Variants in GK2 observed in about 807,000 individuals in gnomAD.
GK2 encodes ATP:glycerol 3-phosphotransferase 2.
A neutral mutation model predicts 9.5 loss-of-function variants in GK2; 10 were observed. The ratio of observed to expected loss-of-function variants is 1.05; its 90% confidence interval spans 0.65 to 1.78. The LOEUF is 1.78. Among genes scored for constraint, GK2 ranks in the 40% most tolerant of loss-of-function variants. The pLI is 0.00. For synonymous variants in GK2, 228 were observed against 229.9 expected (o/e 0.99, Z 0.07); for missense variants, 643 against 669.0 (o/e 0.96, Z 0.43).
At position 79,407,497 on chromosome 4, in the gene GK2, C is replaced by A. The variant is rs888732535; in HGVS notation, c.704G>T (p.Ser235Ile). The change falls in exon 1 of 1, where the codon AGT becomes ATT. Residue 235 changes from serine (S) to isoleucine (I), a missense_variant. By Grantham distance (142) the Ser-to-Ile change is moderately radical. Transcript: ENST00000358842. ...AATTAGGCCATAGATCTCAGAAGAA[C>A]TGAAGACATTTGGAAGAAGGTCCAT... Reference protein sequence around the residue: ...IPMDLLPNVFSSSEIYGLIKT... With the variant: ...IPMDLLPNVFISSEIYGLIKT... 1.2e-6 allele frequency: 2 copies of A among 1,614,008 alleles called. No homozygotes were observed. Among genetic ancestry groups the A allele is most frequent in the Non-Finnish European group, 1.7e-6 (2 of 1,180,006 alleles).
In GK2 at chr4:79,406,632, A is replaced by C. The variant is rs34557444; in HGVS notation, c.1569T>G (p.Asp523Glu). ...AAGGCAGACTAGAGAAGATAGAAGG[A>C]TCACCACCTTCAGGAGACTGACTGG... ...WVTSQSPEGG[D>E]PSIFSSLPLG... The change falls in exon 1 of 1, where the codon GAT becomes GAG. Residue 523 changes from aspartate to glutamate, a missense_variant. Transcript: ENST00000358842. 1 of 1,613,556 alleles carries C rather than the reference A, an allele frequency of 6.2e-7. No individual in the cohort carries two copies. The highest frequency in any genetic ancestry group is 8.5e-7 in the Non-Finnish European group (1 of 1,179,560).
At position 79,407,712 on chromosome 4, in the gene GK2, G is replaced by C; in HGVS notation, c.489C>G (p.Asn163Lys). The C allele has an allele frequency of 6.2e-7, 1 of 1,614,162 alleles. No homozygotes were observed. Residue 163 changes from asparagine (N) to lysine (K), a missense_variant, in exon 1 of 1, where the codon AAC (asparagine) becomes AAG (lysine). Transcript: ENST00000358842. Reference protein sequence around the residue: ...KLRWMLDNVRNVQKAVEEGRA... With the variant: ...KLRWMLDNVRKVQKAVEEGRA... The stretch of plus-strand genomic sequence containing the variant: ...TACCTTCTTCAACAGCCTTTTGGAC[G>C]TTTCTCACATTGTCAAGCATCCAAC...
chr4:79,408,214 C>A lies in GK2; in HGVS notation c.-14G>T. ...TGGGGCTGCCATGACACCAGTAGGT[C>A]GGCTCAGCAGCTCTGGGACCGTTTC... On this transcript the variant is annotated 5_prime_UTR_variant, in exon 1 of 1. Coordinates refer to ENST00000358842, the MANE Select transcript of GK2 (RefSeq NM_033214.3). 1 of 1,561,092 alleles carries A rather than the reference C, an allele frequency of 6.4e-7. No homozygotes were observed. Among genetic ancestry groups the A allele is most frequent in the Non-Finnish European group, 8.7e-7 (1 of 1,156,020 alleles).
chr4:79,408,190 G>A lies in GK2; in HGVS notation c.11C>T (p.Pro4Leu), dbSNP rs749905973. The A allele has an allele frequency of 2.5e-6, 4 of 1,591,194 alleles. No individual in the cohort carries two copies. Among genetic ancestry groups the A allele is most frequent in the Non-Finnish European group, 3.4e-6 (4 of 1,170,080 alleles). ...CAACGGCCCCACAGCTGCTGTCTTTGGGGCTGCCATGACACCAGTAGGTCG... is the reference window on the plus strand; with the variant it reads ...CAACGGCCCCACAGCTGCTGTCTTTAGGGCTGCCATGACACCAGTAGGTCG... MAA[P>L]KTAAVGPLVG... Residue 4 changes from proline to leucine, a missense_variant, in exon 1 of 1, where the codon CCA (proline) becomes CTA (leucine). Pro to Leu is a moderately conservative substitution (Grantham distance 98). Coordinates refer to ENST00000358842, the MANE Select transcript of GK2 (RefSeq NM_033214.3).
Position 79,406,859 on chromosome 4 carries a change from T to A in GK2, c.1342A>T (p.Lys448Ter). Residue 448 changes from lysine to a stop codon, truncating the protein, a stop_gained, in exon 1 of 1, where the codon AAA becomes TAA. Transcript: ENST00000358842. LOFTEE classifies it low-confidence loss of function (END_TRUNC). ...GCAGTTGTTTCAGGCATAAAGGGTT[T>A]TATTACTGGAATATGAAGAATATCT... ...QADILHIPVI[K>*]PFMPETTALG... The A allele has an allele frequency of 2.5e-6, 4 of 1,614,224 alleles. No homozygotes were observed. Among genetic ancestry groups the A allele is most frequent in the Non-Finnish European group, 3.4e-6 (4 of 1,180,028 alleles).
At position 79,407,029 on chromosome 4, in the gene GK2, T is replaced by A. The variant is rs757316799; in HGVS notation, c.1172A>T (p.His391Leu). The change falls in exon 1 of 1, where the codon CAT (histidine) becomes CTT (leucine). Residue 391 changes from histidine (H) to leucine (L), a missense_variant. Transcript: ENST00000358842. ...AGCTTCTAATGCAGCAAAAGCAATA[T>A]GACATTTATTGGTAAACTGAGTGAG... ...CGLTQFTNKC[H>L]IAFAALEAVC... The A allele has an allele frequency of 1.2e-6, 2 of 1,614,056 alleles. No individual in the cohort carries two copies. The highest frequency in any genetic ancestry group is 1.3e-5 in the African/African-American group (1 of 74,916).
In GK2 at chr4:79,406,653, AC is replaced by A. The variant is rs755110124; in HGVS notation, c.1547del (p.Ser516IlefsTer21). The A allele has an allele frequency of 6.2e-7, 1 of 1,613,918 alleles. No individual in the cohort carries two copies. Among genetic ancestry groups the A allele is most frequent in the Non-Finnish European group, 8.5e-7 (1 of 1,179,778 alleles). ...AVMKSMGWVT[S>X]QSPEGGDPSI... The stretch of plus-strand genomic sequence containing the variant: ...AAGGATCACCACCTTCAGGAGACTG[AC>A]TGGTAACCCAACCCATTGACTTCAT... On this transcript the variant is annotated frameshift_variant, in exon 1 of 1. Transcript: ENST00000358842. LOFTEE classifies it low-confidence loss of function (END_TRUNC).
rs1373901531 is a variant in GK2 at position 79,407,459 on chromosome 4, G to A, written c.742C>T (p.Leu248=). ...EIYGLIKTGA[L]EGVPISGCLG... is the part of the protein sequence containing the mutation. ...CACCCAGATATTGGCACACCTTCCA[G>A]GGCTCCAGTTTTAATTAGGCCATAG... Residue 248 remains leucine (L), a synonymous_variant, in exon 1 of 1, where the codon CTG becomes TTG. Coordinates refer to ENST00000358842, the MANE Select transcript of GK2 (RefSeq NM_033214.3). 2 of 1,613,956 alleles carry A rather than the reference G, an allele frequency of 1.2e-6. No individual in the cohort carries two copies. The highest frequency in any genetic ancestry group is 1.3e-5 in the African/African-American group (1 of 74,886).
chr4:79,407,224 C>T lies in GK2; in HGVS notation c.977G>A (p.Gly326Asp). The stretch of plus-strand genomic sequence containing the variant: ...GTCTCTTAGCCAACGAATAACAGCA[C>T]CTGCTATAGCAACAGAACCTTCCAG... ...YALEGSVAIA[G>D]AVIRWLRDNL... is the part of the protein sequence containing the mutation. Residue 326 changes from glycine to aspartate, a missense_variant, in exon 1 of 1, where the codon GGT (glycine) becomes GAT (aspartate). Physicochemically the swap from Gly to Asp is moderately conservative, Grantham distance 94. Coordinates refer to ENST00000358842, the MANE Select transcript of GK2 (RefSeq NM_033214.3). 1 of 1,614,172 alleles carries T rather than the reference C, an allele frequency of 6.2e-7. No individual in the cohort carries two copies. The highest frequency in any genetic ancestry group is 8.5e-7 in the Non-Finnish European group (1 of 1,180,008).
Position 79,407,996 on chromosome 4 carries a change from C to T in GK2, c.205G>A (p.Ala69Thr), listed in dbSNP as rs1318172695. ...EILQSVYECI[A>T]RTCEKLDELN... ...TCGTCAAGTTTCTCACACGTTCTCG[C>T]TATACACTCGTAGACAGACTGAAGA... is the stretch of plus-strand genomic sequence containing the variant. Residue 69 changes from alanine to threonine, a missense_variant, in exon 1 of 1, where the codon GCG becomes ACG. By Grantham distance (58) the Ala-to-Thr change is moderately conservative. Coordinates refer to ENST00000358842, the MANE Select transcript of GK2 (RefSeq NM_033214.3). 1.2e-6 allele frequency: 2 copies of T among 1,614,092 alleles called. No individual in the cohort carries two copies. The highest frequency in any genetic ancestry group is 1.7e-6 in the Non-Finnish European group (2 of 1,179,958).
rs1436699427 is a variant in GK2, at chr4:79,406,454, T to A, written c.*85A>T. Reference sequence around the variant, plus strand: ...TTATAAACAAAATCAGAGTCTATAATAGTGTCATTATATTAAGAGGCAGAA... The same window carrying A: ...TTATAAACAAAATCAGAGTCTATAAAAGTGTCATTATATTAAGAGGCAGAA... On this transcript the variant is annotated 3_prime_UTR_variant, in exon 1 of 1. Coordinates refer to ENST00000358842, the MANE Select transcript of GK2 (RefSeq NM_033214.3). The A allele has an allele frequency of 1.3e-6, 1 of 794,444 alleles. No homozygotes were observed. Among genetic ancestry groups the A allele is most frequent in the Non-Finnish European group, 2.1e-6 (1 of 485,728 alleles). The allele number at this position is 794,444 out of a possible 1,614,324, so 49.2% of individuals were successfully genotyped here.
chr4:79,407,362 C>T lies in GK2; in HGVS notation c.839G>A (p.Gly280Glu). The T allele has an allele frequency of 6.2e-7, 1 of 1,614,190 alleles. No individual in the cohort carries two copies. Among genetic ancestry groups the T allele is most frequent in the Non-Finnish European group, 8.5e-7 (1 of 1,180,038 alleles). The change falls in exon 1 of 1, where the codon GGA becomes GAA. Residue 280 changes from glycine (G) to glutamate (E), a missense_variant. Gly to Glu is a moderately conservative substitution (Grantham distance 98). Coordinates refer to ENST00000358842, the MANE Select transcript of GK2 (RefSeq NM_033214.3). Reference sequence around the variant, plus strand: ...ATTACACAGTAAGAAGCAACCTGTTCCATAGGTGTTTTTGGCTTGTCCCTC... The same window carrying T: ...ATTACACAGTAAGAAGCAACCTGTTTCATAGGTGTTTTTGGCTTGTCCCTC... Reference protein sequence around the residue: ...FQEGQAKNTYGTGCFLLCNTG... With the variant: ...FQEGQAKNTYETGCFLLCNTG...
Position 79,408,065 on chromosome 4 carries a change from C to T in GK2, c.136G>A (p.Glu46Lys). 1.2e-6 allele frequency: 2 copies of T among 1,614,208 alleles called. No individual in the cohort carries two copies. Among genetic ancestry groups the T allele is most frequent in the African/African-American group, 1.3e-5 (1 of 75,046 alleles). Reference sequence around the variant, plus strand: ...TCCACCCATCCTTCTTTTGGGAACTCTTGTGTTAATTCCACTTTGTGATGA... The same window carrying T: ...TCCACCCATCCTTCTTTTGGGAACTTTTGTGTTAATTCCACTTTGTGATGA... The part of the protein sequence containing the change: ...LSHHKVELTQ[E>K]FPKEGWVEQD... The change falls in exon 1 of 1, where the codon GAG becomes AAG. Residue 46 changes from glutamate to lysine, a missense_variant. Glu to Lys is a moderately conservative substitution (Grantham distance 56, BLOSUM62 1). Coordinates refer to ENST00000358842, the MANE Select transcript of GK2 (RefSeq NM_033214.3).
chr4:79,406,557 A>T lies in GK2; in HGVS notation c.1644T>A (p.Tyr548Ter). 1 of 1,607,572 alleles carries T rather than the reference A, an allele frequency of 6.2e-7. No homozygotes were observed. The highest frequency in any genetic ancestry group is 8.5e-7 in the Non-Finnish European group (1 of 1,174,208). Residue 548 changes from tyrosine to a stop codon, truncating the protein, a stop_gained, in exon 1 of 1, where the codon TAT (tyrosine) becomes TAA (stop). Transcript: ENST00000358842. LOFTEE classifies it high-confidence loss of function. ...SSMVMLIGAR[Y>*]ISGVP ...GGTATTATTATGGCACACCCGAGAT[A>T]TATCTTGCTCCAATTAGCATTACCA...
rs752063626 is a variant in GK2, at chr4:79,408,212, G to T, written c.-12C>A. The T allele has an allele frequency of 1.9e-5, 30 of 1,565,566 alleles. No homozygotes were observed. The South Asian group carries it at 3.4e-4, about 18-fold the overall frequency. On this transcript the variant is annotated 5_prime_UTR_variant, in exon 1 of 1. Coordinates refer to ENST00000358842, the MANE Select transcript of GK2 (RefSeq NM_033214.3). ...TTTGGGGCTGCCATGACACCAGTAG[G>T]TCGGCTCAGCAGCTCTGGGACCGTT...
rs746401585 is a variant in GK2, at chr4:79,407,052, G to A, written c.1149C>T (p.Leu383=). ...TATGACATTTATTGGTAAACTGAGT[G>A]AGGCCACAGAGTATCCCTCTTGCAC... is the stretch of plus-strand genomic sequence containing the variant. ...EPSARGILCG[L]TQFTNKCHIA... The change falls in exon 1 of 1, where the codon CTC becomes CTT. Residue 383 remains leucine, a synonymous_variant. Transcript: ENST00000358842. 4.3e-6 allele frequency: 7 copies of A among 1,614,070 alleles called. No homozygotes were observed. Among genetic ancestry groups the A allele is most frequent in the Non-Finnish European group, 5.9e-6 (7 of 1,180,042 alleles).
Position 79,407,913 on chromosome 4 carries a change from G to A in GK2, c.288C>T (p.Thr96=), listed in dbSNP as rs780859339. The change falls in exon 1 of 1, where the codon ACC becomes ACT. Residue 96 remains threonine (T), a synonymous_variant. Coordinates refer to ENST00000358842, the MANE Select transcript of GK2 (RefSeq NM_033214.3). ...CTGTTAACTTGTCCCAGATTACAGT[G>A]GTTTCCCTCTGATTGCTGACACCAA... ...KAVGVSNQRE[T]TVIWDKLTGE... The A allele has an allele frequency of 6.2e-7, 1 of 1,614,142 alleles. No individual in the cohort carries two copies. Among genetic ancestry groups the A allele is most frequent in the Admixed American group, 1.7e-5 (1 of 60,030 alleles).
chr4:79,408,196 G>C lies in GK2; in HGVS notation c.5C>G (p.Ala2Gly). Residue 2 changes from alanine (A) to glycine (G), a missense_variant, in exon 1 of 1, where the codon GCA (alanine) becomes GGA (glycine). Physicochemically the swap from Ala to Gly is moderately conservative, Grantham distance 60 (BLOSUM62 0). Coordinates refer to ENST00000358842, the MANE Select transcript of GK2 (RefSeq NM_033214.3). Reference protein sequence around the residue: MAAPKTAAVGPL... With the variant: MGAPKTAAVGPL... Reference sequence around the variant, plus strand: ...CCCCACAGCTGCTGTCTTTGGGGCTGCCATGACACCAGTAGGTCGGCTCAG... The same window carrying C: ...CCCCACAGCTGCTGTCTTTGGGGCTCCCATGACACCAGTAGGTCGGCTCAG... 6.3e-7 allele frequency: 1 copy of C among 1,586,746 alleles called. No homozygotes were observed. Among genetic ancestry groups the C allele is most frequent in the Admixed American group, 1.7e-5 (1 of 57,552 alleles).
Position 79,406,666 on chromosome 4 carries a change from C to A in GK2, c.1535G>T (p.Gly512Val), listed in dbSNP as rs762342531. The A allele has an allele frequency of 3.7e-6, 6 of 1,614,006 alleles. No individual in the cohort carries two copies. In the South Asian group the frequency reaches 6.6e-5, roughly 18 times the overall value. Residue 512 changes from glycine to valine, a missense_variant, in exon 1 of 1, where the codon GGT becomes GTT. Physicochemically the swap from Gly to Val is moderately radical, Grantham distance 109. Coordinates refer to ENST00000358842, the MANE Select transcript of GK2 (RefSeq NM_033214.3). ...TTCAGGAGACTGACTGGTAACCCAA[C>A]CCATTGACTTCATTACGGCTTTCTT... ...TWKKAVMKSM[G>V]WVTSQSPEGG...
Sources: allele counts gnomAD v4.1 joint callset, GRCh38; gene constraint gnomAD v4.1.1; transcripts MANE v1.5; gene names NCBI Gene and HGNC (gene_info 2026-07-23, HGNC 2026-07-21).